TBXAS1: variants seen among roughly 807,000 people sequenced by gnomAD.
TBXAS1 encodes thromboxane A synthase 1.
In TBXAS1, 48 loss-of-function variants were observed where a neutral mutation model predicts 60.7. The observed-to-expected ratio is 0.79, with a 90% CI of 0.63 to 1.01. The LOEUF is 1.01. Ranked by LOEUF, TBXAS1 falls within the 50% of genes least tolerant of loss-of-function variation. TBXAS1 has a pLI of 0.00. For synonymous variants in TBXAS1, 287 were observed against 269.7 expected (o/e 1.06, Z -0.63); for missense variants, 685 against 686.3 (o/e 1.00, Z 0.02).
At chr7:139,944,283 A>G (rs1808520947) in intron 5 of TBXAS1, among the ~76,000 whole-genome samples, 1 of 152,188 alleles carries the variant, frequency 6.6e-6, no homozygotes, top group Non-Finnish European at 1.5e-5. Context: ...GAATCAAGGC[A>G]TCTGGACAGA....
chr7:139,940,819 A>T (rs1317477338), intron 5 of TBXAS1, among the ~76,000 whole-genome samples: 1 of 152,222 alleles, frequency 6.6e-6, no homozygotes, highest in Non-Finnish European at 1.5e-5. Context: ...CAATTAATGA[A>T]TGGATGTATG....
At chr7:139,938,011 C>T (rs1221989669) in intron 5 of TBXAS1, among the ~76,000 whole-genome samples, 2 of 152,050 alleles carry the variant, frequency 1.3e-5, no homozygotes, top group Non-Finnish European at 2.9e-5. Flanking sequence ...AGGTTTTAGG[C>T]AAAGGAAATA....
upstream of TBXAS1, among the ~76,000 whole-genome samples, chr7:139,828,718 T>G (rs1032307628): frequency 2.0e-5 from 3 of 152,154 alleles, no homozygotes; most frequent in Non-Finnish European, 4.4e-5. Flanking sequence ...TTCAAACACT[T>G]GAGAAGCCCT....
intron 1 of TBXAS1, among the ~76,000 whole-genome samples, chr7:139,842,236 C>A (rs1247256516): frequency 6.6e-6 from 1 of 152,138 alleles, no homozygotes; most frequent in Admixed American, 6.5e-5. Context: ...CTGGTAGCAT[C>A]TGTTTTGGGG....
At position 140,005,749 on chromosome 7, in the gene TBXAS1, C is replaced by T. The variant is rs143272547; in HGVS notation, c.1135-1342C>T. Among the ~76,000 whole-genome samples, 34 of 152,344 alleles carry T rather than the reference C, an allele frequency of 2.2e-4. No homozygotes were observed. The East Asian group carries it at 5.0e-3, about 22-fold the overall frequency. ...ATTAAACTACATATAATTTCTGCAA[C>T]GTGGCTTATAGGCATCATTAAACAG... On this transcript the variant is annotated intron_variant, in intron 9 of 12. Transcript: ENST00000448866.
chr7:139,787,146 AAGAAAAAAACAAATAATCTTTTGTCAT>A lies in TBXAS1; in HGVS notation c.-168-187_-168-161del, dbSNP rs549769547. On this transcript the variant is annotated intron_variant, in intron 3 of 16. Transcript: ENST00000336425. ...ATTCAACAGCTTCAAAGTGTAAGTTAAGAAAAAAACAAATAATCTTTTGTCATAGAATTCTGAGGATTTTCGTTTGTA... is the reference window on the plus strand; with the variant it reads ...ATTCAACAGCTTCAAAGTGTAAGTTAAGAATTCTGAGGATTTTCGTTTGTA... Among the ~76,000 whole-genome samples, 16 of 152,370 alleles carry A rather than the reference AAGAAAAAAACAAATAATCTTTTGTCAT, an allele frequency of 1.1e-4. No homozygotes were observed. In the East Asian group the frequency reaches 2.7e-3, roughly 26 times the overall value.
chr7:139,835,537 T>G (rs1028504432), intron 1 of TBXAS1, among the ~76,000 whole-genome samples: 1 of 152,180 alleles, frequency 6.6e-6, no homozygotes, highest in Non-Finnish European at 1.5e-5. Flanking sequence ...AAAAATCATG[T>G]GATAATAGAT....
At chr7:139,964,688 G>A (rs1235877958) in intron 9 of TBXAS1, among the ~76,000 whole-genome samples, 2 of 152,238 alleles carry the variant, frequency 1.3e-5, no homozygotes, top group African/African-American at 4.8e-5. Context: ...CTAAGAGATA[G>A]AAGTCAGGTC....
At chr7:139,986,553 A>G (rs1812471267) in intron 9 of TBXAS1, among the ~76,000 whole-genome samples, 1 of 149,740 alleles carries the variant, frequency 6.7e-6, no homozygotes, top group African/African-American at 2.5e-5. Flanking sequence ...AGTCCATTGT[A>G]TCATTCTTAT....
intron 4 of TBXAS1, among the ~76,000 whole-genome samples, chr7:139,802,167 T>C (rs987821620): frequency 6.6e-6 from 1 of 152,246 alleles, no homozygotes; most frequent in Non-Finnish European, 1.5e-5. Context: ...TGTCCCTCCA[T>C]CAAATGTAGT....
intron 4 of TBXAS1, among the ~76,000 whole-genome samples, chr7:139,805,370 T>C (rs1228190193): frequency 6.6e-6 from 1 of 152,254 alleles, no homozygotes; most frequent in Admixed American, 6.5e-5. Context: ...TCTTAACTTT[T>C]ATGTTATATT....
chr7:140,016,057 G>A (rs1010470892), intron 11 of TBXAS1, among the ~76,000 whole-genome samples, 197 bp downstream of exon 11: 24 of 151,926 alleles, frequency 1.6e-4, no homozygotes, highest in Non-Finnish European at 2.8e-4. Flanking sequence ...AGCCACGCGT[G>A]GTGGCTCATG....
intron 4 of TBXAS1, among the ~76,000 whole-genome samples, chr7:139,911,887 C>T (rs1805553502): frequency 6.6e-6 from 1 of 152,172 alleles, no homozygotes; most frequent in Non-Finnish European, 1.5e-5. Context: ...AAATGTCCTA[C>T]TATTTATCTT....
At chr7:139,869,595 G>A (rs1801675000) in intron 1 of TBXAS1, among the ~76,000 whole-genome samples, 1 of 152,022 alleles carries the variant, frequency 6.6e-6, no homozygotes, top group Non-Finnish European at 1.5e-5. Context: ...CACCATATGG[G>A]CTAGGCTGGT....
intron 3 of TBXAS1, among the ~76,000 whole-genome samples, chr7:139,905,073 C>CTCTCTT (rs1554487253): frequency 7.5e-4 from 77 of 102,542 alleles, no homozygotes; most frequent in African/African-American, 3.1e-3. Context: ...CTCTCTCTCT[C>CTCTCTT]TCTTTCTCTT....
chr7:139,960,726 A>T (rs1264674203), intron 8 of TBXAS1, among the ~76,000 whole-genome samples: 4 of 151,150 alleles, frequency 2.6e-5, no homozygotes, highest in Non-Finnish European at 4.4e-5. Context: ...AGCCTGGGTG[A>T]CAGAGCAAAA....
intron 9 of TBXAS1, among the ~76,000 whole-genome samples, chr7:139,986,338 C>T (rs999911541): frequency 6.6e-6 from 1 of 152,158 alleles, no homozygotes; most frequent in African/African-American, 2.4e-5. Context: ...TAAATTGAAA[C>T]TTGGGCAGTC....
intron 5 of TBXAS1, among the ~76,000 whole-genome samples, chr7:139,947,527 C>T (rs1808825550): frequency 1.3e-5 from 2 of 152,196 alleles, no homozygotes; most frequent in Admixed American, 1.3e-4. Flanking sequence ...AACAAACCTG[C>T]ATGTCCTGCA....
intron 1 of TBXAS1, among the ~76,000 whole-genome samples, chr7:139,847,255 C>T (rs1360753745): frequency 6.6e-6 from 1 of 152,146 alleles, no homozygotes; most frequent in Non-Finnish European, 1.5e-5. Context: ...GAGTACCATT[C>T]TAATTTTCAT....
Sources: gnomAD v4.1 joint callset for allele counts (sites outside exome capture counted in the v4.1 genomes callset) on GRCh38, gnomAD v4.1.1 for gene constraint, MANE v1.5 for transcripts, NCBI Gene and HGNC (gene_info 2026-07-23, HGNC 2026-07-21) for gene names.